The following SLC2A9 variants were observed in gnomAD, a reference collection of about 807,000 sequenced individuals.
SLC2A9 encodes solute carrier family 2, facilitated glucose transporter member 9.
SLC2A9 carries 39 observed loss-of-function variants against 50.6 expected under a neutral mutation model. The observed-to-expected ratio is 0.77, with a 90% CI of 0.60 to 1.01. The LOEUF (loss-of-function observed/expected upper bound fraction) is 1.01, where lower values mean the gene tolerates loss of function less well. SLC2A9 is among the 50% of genes least tolerant of loss of function. The pLI, the probability that SLC2A9 is intolerant of heterozygous loss-of-function variation, is 0.00. For synonymous variants in SLC2A9, 324 were observed against 276.9 expected (o/e 1.17, Z -1.69); for missense variants, 686 against 677.6 (o/e 1.01, Z -0.14).
intron 5 of SLC2A9, among the ~76,000 whole-genome samples, chr4:9,948,768 C>T (rs1355651521): frequency 6.6e-6 from 1 of 152,214 alleles, no homozygotes; most frequent in African/African-American, 2.4e-5. Context: ...GAATCCTGGT[C>T]CCATCTCTTC....
At chr4:9,886,182 C>T (rs1736165368) in intron 10 of SLC2A9, among the ~76,000 whole-genome samples, 1 of 152,194 alleles carries the variant, frequency 6.6e-6, no homozygotes, top group Non-Finnish European at 1.5e-5. Flanking sequence ...CTGCTCCTGT[C>T]TGGTTTGCTC....
At chr4:9,924,484 C>T (rs1333831914) in intron 6 of SLC2A9, among the ~76,000 whole-genome samples, 1 of 152,158 alleles carries the variant, frequency 6.6e-6, no homozygotes, top group Non-Finnish European at 1.5e-5. Context: ...GGGTGGGGTC[C>T]CAGTTGCCCA....
At chr4:9,999,107 G>T (rs768281971) in intron 2 of SLC2A9, among the ~76,000 whole-genome samples, 37 of 151,388 alleles carry the variant, frequency 2.4e-4, no homozygotes, top group African/African-American at 3.4e-4. Flanking sequence ...GAGTGCAGTG[G>T]CATGATCACA....
intron 5 of SLC2A9, among the ~76,000 whole-genome samples, chr4:9,962,847 C>T (rs1752489071): frequency 6.6e-6 from 1 of 152,180 alleles, no homozygotes; most frequent in African/African-American, 2.4e-5. Flanking sequence ...ACCTCTGGCA[C>T]TCTTATTAAA....
intron 3 of SLC2A9, among the ~76,000 whole-genome samples, chr4:9,792,155 CTA>C (rs1720000931): frequency 8.3e-6 from 1 of 120,388 alleles, no homozygotes; most frequent in Admixed American, 8.7e-5. Context: ...GTTTTCTATT[CTA>C]TGTTTCTTTT....
At chr4:9,808,367 G>A (rs997246455) in intron 3 of SLC2A9, among the ~76,000 whole-genome samples, 1 of 152,174 alleles carries the variant, frequency 6.6e-6, no homozygotes, top group South Asian at 2.1e-4. Flanking sequence ...TTGAAAGTGC[G>A]GGTTCTGCTT....
At chr4:9,861,245 G>C (rs1358966768) in intron 10 of SLC2A9, among the ~76,000 whole-genome samples, 2 of 152,120 alleles carry the variant, frequency 1.3e-5, no homozygotes, top group Admixed American at 1.3e-4. Context: ...AAGGAGAAGT[G>C]AGGTGTCTCA....
chr4:9,883,455 C>T (rs185478337), intron 10 of SLC2A9, among the ~76,000 whole-genome samples: 56 of 152,314 alleles, frequency 3.7e-4, no homozygotes, highest in African/African-American at 1.3e-3. Flanking sequence ...CCCCTGTGGA[C>T]TTCAGTTTCT....
rs182914230 is a variant in SLC2A9 at position 9,909,477 on chromosome 4, C to T, written c.1003-1132G>A. On this transcript the variant is annotated intron_variant, in intron 7 of 11. Transcript: ENST00000264784. ...GGTTAGACCTAAATCCTAATTGATG[C>T]CCATGGCATCAGACAAGAACTGATT... 6.6e-5 allele frequency among the ~76,000 whole-genome samples: 10 copies of T among 152,254 alleles called. No homozygotes were observed. In the East Asian group the frequency reaches 1.2e-3, roughly 18 times the overall value.
intron 6 of SLC2A9, 119 bp from the exon 7 acceptor site, chr4:9,920,691 C>G (rs1451143057): frequency 1.7e-6 from 2 of 1,188,390 alleles, no homozygotes; most frequent in Non-Finnish European, 2.5e-6. Flanking sequence ...GGGGGCGGAA[C>G]TTGGCAGGGG....
intron 3 of SLC2A9, among the ~76,000 whole-genome samples, chr4:9,993,760 T>A (rs528469113): frequency 1.3e-5 from 2 of 152,200 alleles, no homozygotes; most frequent in South Asian, 4.1e-4. Flanking sequence ...TCGCTGAGAA[T>A]TCCCTCAGCC....
At chr4:9,820,010 C>A (rs1724186574) in intron 3 of SLC2A9, among the ~76,000 whole-genome samples, 1 of 152,174 alleles carries the variant, frequency 6.6e-6, no homozygotes, top group Admixed American at 6.5e-5. Context: ...TATAATTTAC[C>A]GAATTTTCTT....
chr4:10,021,440 G>T lies in SLC2A9; in HGVS notation c.-11C>A. ...TTGTTTCCTTGCCATGGGTCTCAGT[G>T]ACCCAGCTGATGGCTCAGTCCAGGG... is the stretch of plus-strand genomic sequence containing the variant. On this transcript the variant is annotated 5_prime_UTR_variant, in exon 1 of 12. Transcript: ENST00000264784. 1 of 1,614,082 alleles carries T rather than the reference G, an allele frequency of 6.2e-7. No homozygotes were observed. The highest frequency in any genetic ancestry group is 1.1e-5 in the South Asian group (1 of 91,040).
At chr4:9,890,520 T>G in intron 9 of SLC2A9, 90 bp downstream of exon 9, 1 of 1,192,422 alleles carries the variant, frequency 8.4e-7, no homozygotes, top group South Asian at 1.2e-5. Flanking sequence ...TGTAGAAGTA[T>G]GAACCCACAA....
intron 10 of SLC2A9, among the ~76,000 whole-genome samples, chr4:9,861,011 T>C (rs1731535172): frequency 6.6e-6 from 1 of 152,210 alleles, no homozygotes; most frequent in South Asian, 2.1e-4. Flanking sequence ...ATTTTCTCCA[T>C]CATTCTCCTC....
chr4:9,790,461 C>G (rs951095269), intron 3 of SLC2A9, among the ~76,000 whole-genome samples: 2 of 152,172 alleles, frequency 1.3e-5, no homozygotes, highest in African/African-American at 4.8e-5. Flanking sequence ...GGGGCTAACA[C>G]ATATGCCCTC....
chr4:10,036,595 T>G (rs1442245716), intron 1 of SLC2A9, among the ~76,000 whole-genome samples: 1 of 152,216 alleles, frequency 6.6e-6, no homozygotes, highest in African/African-American at 2.4e-5. Flanking sequence ...ATTAGCATCA[T>G]TTTACATGGC....
chr4:9,925,390 C>T (rs929155756), intron 6 of SLC2A9, among the ~76,000 whole-genome samples: 2 of 152,186 alleles, frequency 1.3e-5, no homozygotes, highest in Non-Finnish European at 2.9e-5. Context: ...ACCTGCTGTG[C>T]CCACCCCTGG....
chr4:9,857,091 G>A (rs1730845267), intron 10 of SLC2A9, among the ~76,000 whole-genome samples: 1 of 152,064 alleles, frequency 6.6e-6, no homozygotes, highest in African/African-American at 2.4e-5. Flanking sequence ...ACCTGCACAT[G>A]TACCCCTGAA....
Sources: allele counts gnomAD v4.1 joint callset (sites outside exome capture counted in the v4.1 genomes callset), GRCh38; gene constraint gnomAD v4.1.1; transcripts MANE v1.5; gene names NCBI Gene and HGNC (gene_info 2026-07-23, HGNC 2026-07-21).